The following ROBO2 variants were observed in gnomAD, a reference collection of about 807,000 sequenced individuals.
ROBO2 encodes the protein roundabout homolog 2.
A neutral mutation model predicts 160.8 loss-of-function variants in ROBO2; 53 were observed. The ratio of observed to expected loss-of-function variants is 0.33; its 90% confidence interval spans 0.26 to 0.41. The LOEUF (loss-of-function observed/expected upper bound fraction) is 0.41, where lower values mean the gene tolerates loss of function less well. ROBO2 is among the 10% of genes least tolerant of loss of function. The pLI, the probability that ROBO2 is intolerant of heterozygous loss-of-function variation, is 1.00. For missense variants in ROBO2, 1,577 were observed against 1,722.4 expected (o/e 0.92, Z 1.49); for synonymous variants, 664 against 611.7 (o/e 1.09, Z -1.26).
At chr3:76,016,739 TG>T (rs2066416445) in intron 2 of ROBO2, among the ~76,000 whole-genome samples, 1 of 152,264 alleles carries the variant, frequency 6.6e-6, no homozygotes, top group Admixed American at 6.5e-5. Context: ...AAGATATTGG[TG>T]GGGACTCGTC....
intron 2 of ROBO2, among the ~76,000 whole-genome samples, chr3:76,645,466 T>C (rs1372684098): frequency 6.6e-6 from 1 of 152,142 alleles, no homozygotes; most frequent in East Asian, 1.9e-4. Context: ...CAGCAAAGCA[T>C]TTTGGGAAGC....
intron 2 of ROBO2, among the ~76,000 whole-genome samples, chr3:76,072,103 A>G (rs772077666): frequency 2.6e-5 from 4 of 152,104 alleles, no homozygotes; most frequent in Non-Finnish European, 5.9e-5. Context: ...TTTCACACAT[A>G]CTGTGTTCTA....
At chr3:77,603,555 A>G (rs2094471305) in intron 20 of ROBO2, among the ~76,000 whole-genome samples, 1 of 152,194 alleles carries the variant, frequency 6.6e-6, no homozygotes, top group Non-Finnish European at 1.5e-5. Flanking sequence ...AATATGGGAA[A>G]TTAATATTTA....
chr3:76,036,108 A>C (rs1270561560), intron 2 of ROBO2, among the ~76,000 whole-genome samples: 1 of 151,934 alleles, frequency 6.6e-6, no homozygotes, highest in Non-Finnish European at 1.5e-5. Context: ...TGGTGTAGGG[A>C]TGATGTCGTG....
At chr3:76,556,240 A>T (rs2108435304) in intron 2 of ROBO2, among the ~76,000 whole-genome samples, 1 of 152,360 alleles carries the variant, frequency 6.6e-6, no homozygotes, top group Non-Finnish European at 1.5e-5. Flanking sequence ...GTATATATGT[A>T]TTAATGAAGA....
At chr3:76,434,470 T>A (rs2076577392) in intron 2 of ROBO2, 7 of 1,549,940 alleles carry the variant, frequency 4.5e-6, no homozygotes, top group Non-Finnish European at 6.2e-6. Flanking sequence ...AAGAAATGAA[T>A]GATGCTGCCA....
At chr3:76,471,039 A>T (rs1193823172) in intron 2 of ROBO2, among the ~76,000 whole-genome samples, 1 of 149,834 alleles carries the variant, frequency 6.7e-6, no homozygotes, top group Non-Finnish European at 1.5e-5. Flanking sequence ...AACTTTATTC[A>T]TTCTTTACAA....
At chr3:77,062,781 A>T (rs1212374258) in intron 1 of ROBO2, among the ~76,000 whole-genome samples, 1 of 152,184 alleles carries the variant, frequency 6.6e-6, no homozygotes, top group Non-Finnish European at 1.5e-5. Context: ...CACACAAAAA[A>T]AATGCCAGTT....
At chr3:76,284,076 T>C (rs1708384758) in intron 2 of ROBO2, among the ~76,000 whole-genome samples, 1 of 152,030 alleles carries the variant, frequency 6.6e-6, no homozygotes, top group Non-Finnish European at 1.5e-5. Flanking sequence ...CAATTTCATA[T>C]CCTTATCCTT....
At chr3:76,530,098 G>A (rs986998961) in intron 2 of ROBO2, among the ~76,000 whole-genome samples, 1 of 152,100 alleles carries the variant, frequency 6.6e-6, no homozygotes, top group African/African-American at 2.4e-5. Flanking sequence ...CCATTCCAGG[G>A]CCCTCTTTCT....
chr3:76,846,109 G>A (rs370197524), intron 2 of ROBO2, among the ~76,000 whole-genome samples: 2 of 152,110 alleles, frequency 1.3e-5, no homozygotes, highest in East Asian at 3.9e-4. Context: ...CAGTTGGCAT[G>A]CAGTACAGAA....
chr3:76,633,905 TACTG>T (rs951518013), intron 2 of ROBO2, among the ~76,000 whole-genome samples: 9 of 152,218 alleles, frequency 5.9e-5, no homozygotes, highest in Non-Finnish European at 1.2e-4. Context: ...CAACAAGCGT[TACTG>T]ACTGAGAGTC....
At chr3:77,320,968 G>A (rs954731335) in intron 2 of ROBO2, among the ~76,000 whole-genome samples, 2 of 152,114 alleles carry the variant, frequency 1.3e-5, no homozygotes, top group African/African-American at 4.8e-5. Context: ...GTACTTTACT[G>A]TCCATTTTGT....
intron 2 of ROBO2, among the ~76,000 whole-genome samples, chr3:76,049,401 A>ATTTTGTTTTTTTTT (rs1306305555): frequency 1.6e-5 from 1 of 63,738 alleles, no homozygotes; most frequent in African/African-American, 1.1e-4. Flanking sequence ...ATATATATAT[A>ATTTTGTTTTTTTTT]TATTTTTTTT....
chr3:77,111,120 A>G (rs1300634652), intron 2 of ROBO2, among the ~76,000 whole-genome samples: 1 of 152,200 alleles, frequency 6.6e-6, no homozygotes. Flanking sequence ...TAAAACTTTA[A>G]TTCTTTTAAA....
At chr3:77,583,595 T>C (rs1443124899) in intron 16 of ROBO2, among the ~76,000 whole-genome samples, 1 of 152,148 alleles carries the variant, frequency 6.6e-6, no homozygotes, top group Non-Finnish European at 1.5e-5. Context: ...CATACACCTA[T>C]TGTAATAGCT....
chr3:76,790,825 G>T (rs377272240), intron 2 of ROBO2, among the ~76,000 whole-genome samples: 5 of 151,742 alleles, frequency 3.3e-5, no homozygotes, highest in African/African-American at 1.2e-4. Context: ...TTGGTTAAAA[G>T]CATGGGCCCT....
chr3:77,455,642 G>A (rs1422506890), intron 2 of ROBO2, among the ~76,000 whole-genome samples: 3 of 152,058 alleles, frequency 2.0e-5, no homozygotes, highest in Admixed American at 2.0e-4. Flanking sequence ...ATGTTGGCCA[G>A]GATGGTCTCG....
chr3:76,149,781 A>C (rs945170379), intron 2 of ROBO2, among the ~76,000 whole-genome samples: 5 of 143,732 alleles, frequency 3.5e-5, no homozygotes, highest in African/African-American at 1.3e-4. Context: ...TCTAAAGCAC[A>C]CATCATCAGT....
Sources: gnomAD v4.1 joint callset for allele counts (sites outside exome capture counted in the v4.1 genomes callset) on GRCh38, gnomAD v4.1.1 for gene constraint, MANE v1.5 for transcripts, NCBI Gene and HGNC (gene_info 2026-07-23, HGNC 2026-07-21) for gene names.